Variants in USP15 observed in about 807,000 individuals in gnomAD.
USP15 encodes ubiquitin specific peptidase 15.
Under a neutral mutation model 127.1 loss-of-function variants are expected in USP15, and 18 were observed. The ratio of observed to expected loss-of-function variants is 0.14; its 90% CI spans 0.10 to 0.21. The LOEUF (loss-of-function observed/expected upper bound fraction) is 0.21. USP15 is among the 10% of genes least tolerant of loss of function. USP15 has a pLI of 1.00. For missense variants in USP15, 805 were observed against 1,159.9 expected (o/e 0.69, Z 4.44); for synonymous variants, 364 against 393.7 (o/e 0.92, Z 0.89).
At chr12:62,335,732 T>C in intron 6 of USP15, 1 of 985,568 alleles carries the variant, frequency 1.0e-6, no homozygotes, top group Non-Finnish European at 1.2e-6. Flanking sequence ...GACAGCCACC[T>C]ACATTTAAAA....
At chr12:62,393,014 T>C (rs750665931) in intron 18 of USP15, 39 bp from the exon 19 acceptor site, 7 of 1,598,564 alleles carry the variant, frequency 4.4e-6, no homozygotes, top group Non-Finnish European at 6.0e-6. Flanking sequence ...GGGTTGTTTG[T>C]ACCTCTATCA....
chr12:62,342,778 G>A (rs921594628), intron 6 of USP15, among the ~76,000 whole-genome samples: 3 of 152,104 alleles, frequency 2.0e-5, no homozygotes, highest in Non-Finnish European at 2.9e-5. Flanking sequence ...TGGAAGCTTC[G>A]TCCCAGAGGG....
rs765201761 is a variant in USP15, at chr12:62,320,097, A to G, written c.476-1367A>G. On this transcript the variant is annotated intron_variant, in intron 4 of 21. Coordinates refer to ENST00000280377, the MANE Select transcript of USP15 (RefSeq NM_001252078.2). ...AAAAAGAACAAAAAGAAAAAAATAC[A>G]ACCCTGCCAAAGTAGAAAGCAGTAC... Among the ~76,000 whole-genome samples the G allele has an allele frequency of 2.0e-5, 3 of 152,142 alleles. No individual in the cohort carries two copies. The East Asian group carries it at 5.8e-4, about 29-fold the overall frequency.
Position 62,415,262 on chromosome 12 carries a change from A to G in USP15, c.*10887A>G, listed in dbSNP as rs965328275. The G allele has an allele frequency of 2.6e-5, 4 of 152,228 alleles. No homozygotes were observed. Among genetic ancestry groups the G allele is most frequent in the African/African-American group, 7.2e-5 (3 of 41,456 alleles). The allele number at this position is 152,228 out of a possible 1,614,324, so 9.4% of individuals were successfully genotyped here. On this transcript the variant is annotated 3_prime_UTR_variant, in exon 22 of 22. Coordinates refer to ENST00000280377, the MANE Select transcript of USP15 (RefSeq NM_001252078.2). ...AGGAAAAGACTGATGTCCCAGTTCA[A>G]TCAGGCAAGAGAAATTATCCTTACT...
chr12:62,286,664 G>T (rs891175580), intron 1 of USP15, among the ~76,000 whole-genome samples: 1 of 152,110 alleles, frequency 6.6e-6, no homozygotes, highest in African/African-American at 2.4e-5. Context: ...ATGGCCGGGC[G>T]TGGTGGCTCA....
At chr12:62,397,076 G>A (rs1160019214) in intron 20 of USP15, among the ~76,000 whole-genome samples, 1 of 152,056 alleles carries the variant, frequency 6.6e-6, no homozygotes, top group Non-Finnish European at 1.5e-5. Flanking sequence ...TTTTTCTGTT[G>A]AACAGTATTT....
At chr12:62,298,098 CA>C (rs1375577160) in intron 2 of USP15, among the ~76,000 whole-genome samples, 10 of 152,086 alleles carry the variant, frequency 6.6e-5, no homozygotes, top group African/African-American at 2.4e-4. Flanking sequence ...ATTATCTAAT[CA>C]GAGGATTAAA....
rs1343026302 is a variant in USP15, at chr12:62,336,894, G to T, written c.683+10961G>T. ...CTACATCAAAACTTGACTAGTGGTG[G>T]TTTAAGTCTTAAAGTTAAATGATAG... On this transcript the variant is annotated intron_variant, in intron 6 of 21. Transcript: ENST00000280377. Among the ~76,000 whole-genome samples, 4 of 152,146 alleles carry T rather than the reference G, an allele frequency of 2.6e-5. No individual in the cohort carries two copies. In the East Asian group the frequency reaches 7.7e-4, roughly 29 times the overall value.
chr12:62,266,001 A>G (rs1001057720), intron 1 of USP15, among the ~76,000 whole-genome samples: 3 of 152,214 alleles, frequency 2.0e-5, no homozygotes, highest in African/African-American at 4.8e-5. Context: ...TTTAGATATG[A>G]TAGAACATGT....
At chr12:62,316,473 A>G (rs2064833206) in intron 4 of USP15, among the ~76,000 whole-genome samples, 1 of 152,100 alleles carries the variant, frequency 6.6e-6, no homozygotes, top group Non-Finnish European at 1.5e-5. Flanking sequence ...TTTTCAACAT[A>G]TGAAAATTAT....
chr12:62,313,124 T>C (rs1053526531), intron 3 of USP15, among the ~76,000 whole-genome samples: 8 of 151,544 alleles, frequency 5.3e-5, no homozygotes, highest in African/African-American at 1.9e-4. Context: ...ATTTTAGCAA[T>C]GTAAAATGTA....
chr12:62,261,616 GC>G (rs1455269251), intron 1 of USP15, among the ~76,000 whole-genome samples: 1 of 152,142 alleles, frequency 6.6e-6, no homozygotes, highest in African/African-American at 2.4e-5. Flanking sequence ...TTATCTTCAT[GC>G]TGTAAAATGG....
intron 1 of USP15, among the ~76,000 whole-genome samples, chr12:62,262,304 C>T (rs372036962): frequency 7.9e-5 from 12 of 152,218 alleles, no homozygotes; most frequent in South Asian, 6.2e-4. Flanking sequence ...GGAAATTGGA[C>T]ATTTCCTAGG....
intron 8 of USP15, among the ~76,000 whole-genome samples, chr12:62,356,829 A>G (rs1057495176): frequency 1.3e-5 from 2 of 152,054 alleles, no homozygotes; most frequent in Non-Finnish European, 2.9e-5. Flanking sequence ...TTAAATAACA[A>G]AGTAAAGTAC....
intron 6 of USP15, among the ~76,000 whole-genome samples, chr12:62,327,120 G>C (rs530777466): frequency 6.6e-6 from 1 of 151,942 alleles, no homozygotes; most frequent in East Asian, 1.9e-4. Flanking sequence ...AACAGAATGC[G>C]ACTTTCTCCA....
intron 1 of USP15, among the ~76,000 whole-genome samples, chr12:62,289,482 C>T (rs555911019): frequency 2.0e-5 from 3 of 151,928 alleles, no homozygotes; most frequent in South Asian, 4.2e-4. Flanking sequence ...TGTGTTTATT[C>T]GAATCTTCTC....
At chr12:62,393,000 A>G (rs2067371626) in intron 18 of USP15, 53 bp from the exon 19 acceptor site, 2 of 1,573,438 alleles carry the variant, frequency 1.3e-6, no homozygotes, top group Non-Finnish European at 8.6e-7. Flanking sequence ...ATTTTCATTA[A>G]TGGGGGTTGT....
chr12:62,286,632 T>C (rs749011806), intron 1 of USP15, among the ~76,000 whole-genome samples: 2 of 151,990 alleles, frequency 1.3e-5, no homozygotes, highest in African/African-American at 2.4e-5. Flanking sequence ...CATTGATGGA[T>C]TGGATAAAGA....
At chr12:62,335,842 T>G in intron 6 of USP15, 1 of 985,432 alleles carries the variant, frequency 1.0e-6, no homozygotes, top group Non-Finnish European at 1.2e-6. Context: ...TAGTATTTCT[T>G]TTTGATAACC....
Sources: allele counts gnomAD v4.1 joint callset (sites outside exome capture counted in the v4.1 genomes callset), GRCh38; gene constraint gnomAD v4.1.1; transcripts MANE v1.5; gene names NCBI Gene and HGNC (gene_info 2026-07-23, HGNC 2026-07-21).